LRRTM4: variants seen among roughly 807,000 people sequenced by gnomAD.
LRRTM4 encodes the protein leucine-rich repeat transmembrane neuronal protein 4.
LRRTM4 carries 25 observed loss-of-function variants against 47.6 expected under a neutral mutation model. The observed-to-expected ratio is 0.53, with a 90% CI of 0.38 to 0.73. The LOEUF is 0.73. Among genes scored for constraint, LRRTM4 ranks in the 30% least tolerant of loss-of-function variants. The probability of loss-of-function intolerance (pLI) is 0.00; values close to 1 mark genes in which losing one functional copy is unlikely to be tolerated. For synonymous variants in LRRTM4, 311 were observed against 269.5 expected (o/e 1.15, Z -1.51); for missense variants, 638 against 713.4 (o/e 0.89, Z 1.20).
At chr2:77,493,388 T>C (rs988103927) in intron 3 of LRRTM4, among the ~76,000 whole-genome samples, 1 of 151,996 alleles carries the variant, frequency 6.6e-6, no homozygotes, top group Non-Finnish European at 1.5e-5. Context: ...ATATATATAT[T>C]CAAACTTCTG....
chr2:76,917,819 G>A (rs774075457), intron 3 of LRRTM4, among the ~76,000 whole-genome samples: 53 of 152,270 alleles, frequency 3.5e-4, no homozygotes, highest in Non-Finnish European at 4.6e-4. Flanking sequence ...CAGGGTAGAA[G>A]TAAGTTATAC....
At chr2:77,278,238 C>A (rs1261850738) in intron 3 of LRRTM4, among the ~76,000 whole-genome samples, 1 of 151,892 alleles carries the variant, frequency 6.6e-6, no homozygotes, top group East Asian at 1.9e-4. Flanking sequence ...TCCTCAGGAG[C>A]CCTTTCTATT....
At chr2:76,955,198 T>C (rs898565315) in intron 3 of LRRTM4, among the ~76,000 whole-genome samples, 3 of 151,994 alleles carry the variant, frequency 2.0e-5, no homozygotes, top group Middle Eastern at 3.4e-3. Context: ...AATTCTGTAA[T>C]GGTGATGTAT....
At chr2:76,928,099 T>C (rs915791909) in intron 3 of LRRTM4, among the ~76,000 whole-genome samples, 2 of 152,132 alleles carry the variant, frequency 1.3e-5, no homozygotes. Context: ...AGACATATAA[T>C]AGTCACATAA....
rs139181778 is a variant in LRRTM4 at position 76,798,090 on chromosome 2, G to A, written c.1552-49174C>T. Among the ~76,000 whole-genome samples, 109 of 150,770 alleles carry A rather than the reference G, an allele frequency of 7.2e-4. No individual in the cohort carries two copies. The East Asian group carries it at 0.016, about 23-fold the overall frequency. ...CCCAGGAATTGAACTCAGCTCTGCA[G>A]CAAGCAGACCTAATAGACATCTACT... is the stretch of plus-strand genomic sequence containing the variant. On this transcript the variant is annotated intron_variant, in intron 3 of 3. Coordinates refer to ENST00000409884, the MANE Select transcript of LRRTM4 (RefSeq NM_001134745.3).
At chr2:76,951,415 G>A (rs1248228448) in intron 3 of LRRTM4, among the ~76,000 whole-genome samples, 1 of 151,866 alleles carries the variant, frequency 6.6e-6, no homozygotes, top group East Asian at 1.9e-4. Flanking sequence ...CGTTAACCTA[G>A]AGTTTCAACT....
rs574405212 is a variant in LRRTM4 at position 77,473,404 on chromosome 2, T to A, written c.1551+44914A>T. Among the ~76,000 whole-genome samples, 189 of 152,266 alleles carry A rather than the reference T, an allele frequency of 1.2e-3. No homozygotes were observed. In the Middle Eastern group the frequency reaches 0.017, roughly 14 times the overall value. ...TCAAAGACATACACACAAATTAATA[T>A]CACTCAGGCACAAGAGTTTTGCTTT... On this transcript the variant is annotated intron_variant, in intron 3 of 3. Coordinates refer to ENST00000409884, the MANE Select transcript of LRRTM4 (RefSeq NM_001134745.3).
intron 3 of LRRTM4, among the ~76,000 whole-genome samples, chr2:77,221,133 T>C (rs1457631658): frequency 7.2e-5 from 11 of 152,066 alleles, no homozygotes; most frequent in African/African-American, 9.7e-5. Flanking sequence ...AGAAATAAAA[T>C]ACTTTACAGA....
chr2:77,374,993 T>A (rs1223534949), intron 3 of LRRTM4, among the ~76,000 whole-genome samples: 5 of 151,716 alleles, frequency 3.3e-5, no homozygotes, highest in African/African-American at 9.7e-5. Context: ...TCTTCTAAGC[T>A]TTCTACCTTT....
At chr2:76,884,174 G>C (rs1479524849) in intron 3 of LRRTM4, among the ~76,000 whole-genome samples, 2 of 152,074 alleles carry the variant, frequency 1.3e-5, no homozygotes, top group African/African-American at 4.8e-5. Flanking sequence ...CATCATGCTA[G>C]ACTTCTTGAG....
intron 3 of LRRTM4, among the ~76,000 whole-genome samples, chr2:77,341,629 A>G (rs1023143792): frequency 2.6e-5 from 4 of 152,068 alleles, no homozygotes; most frequent in Admixed American, 6.6e-5. Context: ...GGATTCAGTA[A>G]CTATCTGTTG....
intron 3 of LRRTM4, among the ~76,000 whole-genome samples, chr2:77,204,837 T>C (rs1674076114): frequency 6.6e-6 from 1 of 152,168 alleles, no homozygotes; most frequent in South Asian, 2.1e-4. Flanking sequence ...AATCTATCAA[T>C]TGACTTGGTA....
At chr2:77,079,749 A>G (rs969540285) in intron 3 of LRRTM4, among the ~76,000 whole-genome samples, 1 of 152,156 alleles carries the variant, frequency 6.6e-6, no homozygotes, top group Non-Finnish European at 1.5e-5. Flanking sequence ...AAAGTTAGGT[A>G]AGTGCTATTT....
chr2:76,988,006 T>C (rs950636211), intron 3 of LRRTM4, among the ~76,000 whole-genome samples: 3 of 151,916 alleles, frequency 2.0e-5, no homozygotes, highest in Non-Finnish European at 4.4e-5. Context: ...ACTTTACTAG[T>C]ATTATGTGTG....
intron 3 of LRRTM4, among the ~76,000 whole-genome samples, chr2:77,366,804 A>G (rs1470197662): frequency 6.6e-6 from 1 of 151,846 alleles, no homozygotes; most frequent in Non-Finnish European, 1.5e-5. Context: ...GTATGCATTA[A>G]TTAATCTCTA....
chr2:77,193,383 A>T (rs1573060965), intron 3 of LRRTM4, among the ~76,000 whole-genome samples: 1 of 152,318 alleles, frequency 6.6e-6, no homozygotes, highest in South Asian at 2.1e-4. Flanking sequence ...TTTAAATTTT[A>T]TTGTTGAAAA....
chr2:77,459,410 A>G (rs1418100223), intron 3 of LRRTM4, among the ~76,000 whole-genome samples: 1 of 152,182 alleles, frequency 6.6e-6, no homozygotes, highest in East Asian at 1.9e-4. Flanking sequence ...ATAGATATAC[A>G]GAGACATATA....
rs78914915 is a variant in LRRTM4 at position 77,334,011 on chromosome 2, T to G, written c.1551+184307A>C. Reference sequence around the variant, plus strand: ...AAGTCAAAGGAGATCATTTTGGAGCTTTAATATTTAACTGCCCCGCTGGAT... The same window carrying G: ...AAGTCAAAGGAGATCATTTTGGAGCGTTAATATTTAACTGCCCCGCTGGAT... On this transcript the variant is annotated intron_variant, in intron 3 of 3. Transcript: ENST00000409884. 6.6e-3 allele frequency among the ~76,000 whole-genome samples: 1,001 copies of G among 152,298 alleles called. 10 individuals are homozygous for G. Among genetic ancestry groups the G allele is most frequent in the African/African-American group, 0.023 (961 of 41,554 alleles).
At chr2:77,517,092 G>A (rs939632839) in intron 3 of LRRTM4, 6 of 985,078 alleles carry the variant, frequency 6.1e-6, no homozygotes, top group Non-Finnish European at 7.2e-6. Flanking sequence ...CAAGGCCTTA[G>A]TAGTCAGTCT....
Sources: allele counts gnomAD v4.1 joint callset (sites outside exome capture counted in the v4.1 genomes callset), GRCh38; gene constraint gnomAD v4.1.1; transcripts MANE v1.5; gene names NCBI Gene and HGNC (gene_info 2026-07-23, HGNC 2026-07-21).